NRXN3: variants seen among roughly 807,000 people sequenced by gnomAD.
NRXN3 encodes the protein neurexin III.
In NRXN3, 32 loss-of-function variants were observed where a neutral mutation model predicts 137.6. That is an observed-to-expected ratio of 0.23 (90% CI 0.18 to 0.31). The LOEUF is 0.31. NRXN3 is among the 10% of genes least tolerant of loss of function. The pLI is 1.00. For missense variants in NRXN3, 1,574 were observed against 2,062.5 expected (o/e 0.76, Z 4.59); for synonymous variants, 798 against 784.5 (o/e 1.02, Z -0.29).
At chr14:79,470,961 TGTGTGTGTGTGTG>T (rs1600774355) in intron 16 of NRXN3, among the ~76,000 whole-genome samples, 2 of 91,074 alleles carry the variant, frequency 2.2e-5, no homozygotes, top group East Asian at 6.5e-4. Context: ...AGTGTGTGTG[TGTGTGTGTGTGTG>T]TGTGTGTGTG....
At chr14:79,540,685 G>A (rs1359928759) in intron 16 of NRXN3, among the ~76,000 whole-genome samples, 3 of 152,192 alleles carry the variant, frequency 2.0e-5, no homozygotes, top group Non-Finnish European at 4.4e-5. Flanking sequence ...GGAAACACAA[G>A]AGAGGACATG....
intron 10 of NRXN3, among the ~76,000 whole-genome samples, chr14:78,869,049 AC>A (rs753926627): frequency 1.6e-4 from 25 of 152,228 alleles, no homozygotes; most frequent in Non-Finnish European, 3.2e-4. Context: ...ATAAAGCAAA[AC>A]ACATAATATA....
rs954922559 is a variant in NRXN3, at chr14:79,647,312, A to G, written c.3445-16466A>G. On this transcript the variant is annotated intron_variant, in intron 16 of 20. Transcript: ENST00000335750. ...AGTGGCCTGCATTAAATTTTTCTTT[A>G]TGGTTATAGCCATGCAGATAGATGC... Among the ~76,000 whole-genome samples, 19 of 136,060 alleles carry G rather than the reference A, an allele frequency of 1.4e-4. 3 individuals are homozygous for G. The highest frequency in any genetic ancestry group is 4.7e-4 in the African/African-American group (19 of 40,842). 89.3% of individuals were successfully genotyped at this position (136,060 alleles called of 152,430 possible). A position where few individuals can be genotyped will look rare whatever the true frequency, so the allele number is the denominator to read the frequency against.
chr14:79,623,990 C>G (rs1369647539), intron 16 of NRXN3, among the ~76,000 whole-genome samples: 1 of 151,746 alleles, frequency 6.6e-6, no homozygotes, highest in Non-Finnish European at 1.5e-5. Context: ...AGAGAAGACT[C>G]TATATCTCAC....
At chr14:79,062,772 CAT>C (rs1239344208) in intron 15 of NRXN3, among the ~76,000 whole-genome samples, 1 of 152,322 alleles carries the variant, frequency 6.6e-6, no homozygotes, top group South Asian at 2.1e-4. Context: ...TTGTAACACT[CAT>C]GTGTTTTATT....
At chr14:79,410,831 C>T (rs2095407395) in intron 15 of NRXN3, among the ~76,000 whole-genome samples, 1 of 152,064 alleles carries the variant, frequency 6.6e-6, no homozygotes, top group Non-Finnish European at 1.5e-5. Context: ...CTGATACAAT[C>T]TTATGTTTTG....
chr14:79,049,897 T>C (rs1225210552), intron 15 of NRXN3, among the ~76,000 whole-genome samples: 4 of 152,046 alleles, frequency 2.6e-5, no homozygotes, highest in African/African-American at 9.7e-5. Context: ...AAACTAATTT[T>C]GAATTATTCT....
chr14:79,348,528 A>C (rs923334361), intron 15 of NRXN3, among the ~76,000 whole-genome samples: 2 of 151,844 alleles, frequency 1.3e-5, no homozygotes, highest in African/African-American at 4.8e-5. Flanking sequence ...GGCGCCCGCC[A>C]CCACTCCTGG....
intron 1 of NRXN3, among the ~76,000 whole-genome samples, chr14:78,223,628 A>G (rs1179206050): frequency 6.6e-6 from 1 of 152,150 alleles, no homozygotes; most frequent in Non-Finnish European, 1.5e-5. Context: ...CTGTTCTTCT[A>G]CTTTGGTCCA....
At chr14:78,693,130 C>T (rs757491305) in intron 6 of NRXN3, among the ~76,000 whole-genome samples, 1 of 151,850 alleles carries the variant, frequency 6.6e-6, no homozygotes, top group Non-Finnish European at 1.5e-5. Context: ...AGAAATAAAG[C>T]ATTTGGCACA....
chr14:78,371,671 G>A (rs1176867929), intron 4 of NRXN3, among the ~76,000 whole-genome samples: 3 of 152,182 alleles, frequency 2.0e-5, no homozygotes, highest in Admixed American at 6.5e-5. Flanking sequence ...ACACCCACTC[G>A]CCTGTGTGCT....
intron 15 of NRXN3, among the ~76,000 whole-genome samples, chr14:79,008,009 G>A (rs1241406529): frequency 2.6e-5 from 4 of 151,976 alleles, no homozygotes; most frequent in Non-Finnish European, 4.4e-5. Context: ...ACAGCCCAAG[G>A]TGACTCCAAT....
chr14:79,226,783 G>A (rs974984503), intron 15 of NRXN3, among the ~76,000 whole-genome samples: 2 of 147,966 alleles, frequency 1.4e-5, no homozygotes, highest in Admixed American at 6.8e-5. Flanking sequence ...GCTATATTTT[G>A]GCTTTATTCC....
intron 8 of NRXN3, among the ~76,000 whole-genome samples, chr14:78,764,722 C>T (rs1036087090): frequency 1.3e-5 from 2 of 152,094 alleles, no homozygotes; most frequent in African/African-American, 4.8e-5. Flanking sequence ...GTGGTCATTT[C>T]CTGAATGTAA....
At chr14:79,710,731 C>CTAAG (rs2098800517) in intron 19 of NRXN3, among the ~76,000 whole-genome samples, 1 of 152,202 alleles carries the variant, frequency 6.6e-6, no homozygotes, top group Non-Finnish European at 1.5e-5. Context: ...CTAGTATGGG[C>CTAAG]TAAGTACTGT....
rs570646137 is a variant in NRXN3 at position 79,731,763 on chromosome 14, C to T, written c.4014+33826C>T. ...CCTCTCAAAGTGCTGGGATTACAGG[C>T]GTGAGCCACTGAGCCCACCCTCCTT... On this transcript the variant is annotated intron_variant, in intron 19 of 20. Coordinates refer to ENST00000335750, the MANE Select transcript of NRXN3 (RefSeq NM_001330195.2). 1.3e-4 allele frequency among the ~76,000 whole-genome samples: 19 copies of T among 151,782 alleles called. No individual in the cohort carries two copies. The South Asian group carries it at 3.1e-3, about 25-fold the overall frequency.
At chr14:79,603,613 A>AT (rs943559604) in intron 16 of NRXN3, among the ~76,000 whole-genome samples, 3 of 150,102 alleles carry the variant, frequency 2.0e-5, no homozygotes, top group East Asian at 2.0e-4. Context: ...TTTTTTTCAT[A>AT]TTTTTTTCCT....
At chr14:79,256,547 G>A (rs2076613026) in intron 15 of NRXN3, among the ~76,000 whole-genome samples, 1 of 152,132 alleles carries the variant, frequency 6.6e-6, no homozygotes, top group African/African-American at 2.4e-5. Flanking sequence ...CCCCCAAAGA[G>A]AGACTACTAA....
intron 15 of NRXN3, among the ~76,000 whole-genome samples, chr14:79,194,186 A>G (rs1184597187): frequency 6.6e-6 from 1 of 152,178 alleles, no homozygotes; most frequent in Non-Finnish European, 1.5e-5. Context: ...AGACCCTGAT[A>G]TTACATTTTC....
Sources: gnomAD v4.1 joint callset for allele counts (sites outside exome capture counted in the v4.1 genomes callset) on GRCh38, gnomAD v4.1.1 for gene constraint, MANE v1.5 for transcripts, NCBI Gene and HGNC (gene_info 2026-07-23, HGNC 2026-07-21) for gene names.